SMC4: variants seen among roughly 807,000 people sequenced by gnomAD.
SMC4 encodes the protein structural maintenance of chromosomes protein 4.
SMC4 carries 87 observed loss-of-function variants against 145.6 expected under a neutral mutation model. That is an observed-to-expected ratio of 0.60 (90% CI 0.50 to 0.71). SMC4 has a LOEUF of 0.71. Among genes scored for constraint, SMC4 ranks in the 30% least tolerant of loss-of-function variants. The pLI is 0.00. For missense variants in SMC4, 1,447 were observed against 1,537.1 expected, an observed-to-expected ratio of 0.94 and a Z score of 0.98; for synonymous variants, 558 against 500.7, an observed-to-expected ratio of 1.11 and a Z score of -1.53.
At position 160,432,265 on chromosome 3, in the gene SMC4, A is replaced by G. The variant is rs1277277939; in HGVS notation, c.3298-18A>G. On this transcript the variant is annotated intron_variant, in intron 21 of 23. Transcript: ENST00000357388. ...AAATTTATCTGAATAGATTTTCCCT[A>G]TCATAATCTTTTCACAGGAAGAATT... The G allele has an allele frequency of 1.3e-6, 2 of 1,490,330 alleles. No homozygotes were observed. The highest frequency in any genetic ancestry group is 1.4e-5 in the African/African-American group (1 of 71,280). The allele number at this position is 1,490,330 out of a possible 1,614,324, so 92.3% of individuals were successfully genotyped here.
At position 160,428,914 on chromosome 3, in the gene SMC4, GC is replaced by G; in HGVS notation, c.2770del (p.Gln924LysfsTer2). ...TGAATGTGCTTCTGCTATTACTAAA[GC>G]CCAAGTAGCAATCAAGACTGCTGAC... ...LDECASAITK[A>X]QVAIKTADRN... On this transcript the variant is annotated frameshift_variant, in exon 18 of 24. Transcript: ENST00000357388. LOFTEE classifies it high-confidence loss of function. The G allele has an allele frequency of 6.3e-7, 1 of 1,591,198 alleles. No homozygotes were observed. The highest frequency in any genetic ancestry group is 8.5e-7 in the Non-Finnish European group (1 of 1,174,848).
At chr3:160,417,611 C>A in intron 10 of SMC4, 112 bp from the exon 11 acceptor site, 1 of 850,888 alleles carries the variant, frequency 1.2e-6, no homozygotes, top group Non-Finnish European at 1.8e-6. Context: ...TTTCTATATA[C>A]TGTGCTTATA....
At chr3:160,409,038 G>A (rs1211935659) in intron 5 of SMC4, among the ~76,000 whole-genome samples, 1 of 151,528 alleles carries the variant, frequency 6.6e-6, no homozygotes, top group Admixed American at 6.6e-5. Context: ...AGGCCCAGAC[G>A]GGCGGATCAC....
intron 4 of SMC4, 154 bp from the exon 5 acceptor site, chr3:160,404,174 G>A: frequency 1.6e-6 from 1 of 609,010 alleles, no homozygotes; most frequent in Non-Finnish European, 2.8e-6. Flanking sequence ...TGCTAAGTTG[G>A]GTTATTAATG....
chr3:160,419,269 G>GTTAT (rs1716913794), intron 11 of SMC4, 89 bp from the exon 12 acceptor site: 2 of 806,956 alleles, frequency 2.5e-6, no homozygotes, highest in African/African-American at 3.6e-5. Flanking sequence ...TTTCTTTATT[G>GTTAT]TTATTAAAGC....
At chr3:160,416,807 CTT>C (rs1482387914) in intron 10 of SMC4, among the ~76,000 whole-genome samples, 1 of 152,056 alleles carries the variant, frequency 6.6e-6, no homozygotes, top group African/African-American at 2.4e-5. Flanking sequence ...AGCTGTGGCT[CTT>C]GTTTCAGTTC....
intron 22 of SMC4, 34 bp from the exon 23 acceptor site, chr3:160,432,992 G>T: frequency 6.8e-7 from 1 of 1,477,148 alleles, no homozygotes; most frequent in Non-Finnish European, 9.4e-7. Flanking sequence ...TAGCTTTACA[G>T]GTAATTTGAC....
In SMC4 at chr3:160,419,449, G is replaced by C. The variant is rs777842850; in HGVS notation, c.1763G>C (p.Ser588Thr). The C allele has an allele frequency of 2.5e-5, 40 of 1,612,144 alleles. No homozygotes were observed. Among genetic ancestry groups the C allele is most frequent in the Admixed American group, 8.4e-5 (5 of 59,656 alleles). ...TTTCAAAAAGTTGAAGAAGCAAAGA[G>C]CTCATTAGCAATGAATCGAAGTAGG... Reference protein sequence around the residue: ...DLFQKVEEAKSSLAMNRSRGK... With the variant: ...DLFQKVEEAKTSLAMNRSRGK... Residue 588 changes from serine (S) to threonine (T), a missense_variant, in exon 12 of 24, where the codon AGC becomes ACC. By Grantham distance (58) the Ser-to-Thr change is moderately conservative (BLOSUM62 1). Transcript: ENST00000357388.
intron 13 of SMC4, 130 bp downstream of exon 13, chr3:160,421,031 A>C: frequency 1.6e-6 from 1 of 622,890 alleles, no homozygotes; most frequent in Non-Finnish European, 2.5e-6. Context: ...CCGGGTTCAC[A>C]CCATTCTCCT....
Position 160,424,902 on chromosome 3 carries a change from TAA to T in SMC4, c.2366_2367del (p.Lys789SerfsTer12). The T allele has an allele frequency of 6.2e-7, 1 of 1,613,992 alleles. No individual in the cohort carries two copies. Among genetic ancestry groups the T allele is most frequent in the Non-Finnish European group, 8.5e-7 (1 of 1,180,002 alleles). ...KMESQLQNDS[K>X]KAMQIQEQKV... ...TGGAATCACAGTTGCAAAACGACTC[TAA>T]AAAAGCAATGCAAATCCAAGAACAG... On this transcript the variant is annotated frameshift_variant, in exon 16 of 24. Transcript: ENST00000357388. LOFTEE classifies it high-confidence loss of function.
At chr3:160,427,506 G>A (rs1448835275) in intron 17 of SMC4, among the ~76,000 whole-genome samples, 1 of 152,112 alleles carries the variant, frequency 6.6e-6, no homozygotes, top group Non-Finnish European at 1.5e-5. Flanking sequence ...AAGCCAAAAT[G>A]TATATCTGTG....
Position 160,421,523 on chromosome 3 carries a change from A to G in SMC4, c.2019+622A>G, listed in dbSNP as rs1576975568. On this transcript the variant is annotated intron_variant, in intron 13 of 23. Coordinates refer to ENST00000357388, the MANE Select transcript of SMC4 (RefSeq NM_001002800.3). The stretch of plus-strand genomic sequence containing the variant: ...CACTTTGGGAGGCCAAGGCGGGCGG[A>G]TCACGAGGTCAGGAGTTTGAGACCA... Among the ~76,000 whole-genome samples, 3 of 152,038 alleles carry G rather than the reference A, an allele frequency of 2.0e-5. No individual in the cohort carries two copies. In the South Asian group the frequency reaches 6.2e-4, roughly 31 times the overall value.
chr3:160,402,638 G>C, intron 3 of SMC4, 38 bp from the exon 4 acceptor site: 1 of 1,581,174 alleles, frequency 6.3e-7, no homozygotes, highest in Non-Finnish European at 8.6e-7. Context: ...ATGACCTTAT[G>C]AACTTTTCCG....
At chr3:160,409,898 T>C (rs554701544) in intron 5 of SMC4, among the ~76,000 whole-genome samples, 27 of 152,122 alleles carry the variant, frequency 1.8e-4, no homozygotes, top group African/African-American at 6.3e-4. Context: ...GGGACCACCA[T>C]GTGTACAAAA....
chr3:160,415,405 C>T (rs981627081), intron 9 of SMC4, among the ~76,000 whole-genome samples: 4 of 152,186 alleles, frequency 2.6e-5, no homozygotes, highest in African/African-American at 9.7e-5. Flanking sequence ...ATCTCTTAAG[C>T]TGTGTTCATG....
intron 16 of SMC4, among the ~76,000 whole-genome samples, 192 bp from the exon 17 acceptor site, chr3:160,425,882 G>A (rs1052319752): frequency 3.3e-5 from 5 of 152,244 alleles, no homozygotes; most frequent in African/African-American, 7.2e-5. Context: ...GCATTTTAAC[G>A]TGTCTTTATA....
At position 160,413,759 on chromosome 3, in the gene SMC4, T is replaced by G. The variant is rs115076215; in HGVS notation, c.1121+146T>G. ...GCCCCCTTAGTGAAAAAAAAAAACT[T>G]GCCTTGCATCCAGTTCCTTGTTACA... On this transcript the variant is annotated intron_variant, in intron 8 of 23. Transcript: ENST00000357388. The G allele has an allele frequency of 1.6e-3, 810 of 493,684 alleles. 7 individuals carry two copies. Among genetic ancestry groups the G allele is most frequent in the African/African-American group, 0.015 (751 of 48,574 alleles). 30.6% of individuals were successfully genotyped at this position (493,684 alleles called of 1,614,324 possible).
intron 5 of SMC4, among the ~76,000 whole-genome samples, chr3:160,411,067 ATGAC>A (rs1715944110): frequency 6.6e-6 from 1 of 152,164 alleles, no homozygotes; most frequent in Non-Finnish European, 1.5e-5. Flanking sequence ...ATCAAACTAA[ATGAC>A]TGCCTAGCAG....
chr3:160,402,607 G>A (rs1024308805), intron 3 of SMC4, 69 bp from the exon 4 acceptor site: 34 of 1,476,650 alleles, frequency 2.3e-5, no homozygotes, highest in Non-Finnish European at 3.0e-5. Context: ...AACAGTTTCA[G>A]TTAAAATCAG....
Sources: allele counts gnomAD v4.1 joint callset (sites outside exome capture counted in the v4.1 genomes callset), GRCh38; gene constraint gnomAD v4.1.1; transcripts MANE v1.5; gene names NCBI Gene and HGNC (gene_info 2026-07-23, HGNC 2026-07-21).